COL13A1: variants seen among roughly 807,000 people sequenced by gnomAD.
The protein encoded by COL13A1 is collagen alpha-1(XIII) chain.
In COL13A1, 89 loss-of-function variants were observed where a neutral mutation model predicts 130.9. The ratio of observed to expected loss-of-function variants is 0.68; its 90% CI spans 0.57 to 0.81. COL13A1 has a LOEUF of 0.81. Among genes scored for constraint, COL13A1 ranks in the 30% least tolerant of loss-of-function variants. The pLI is 0.00. For missense variants in COL13A1, 879 were observed against 934.6 expected, an observed-to-expected ratio of 0.94 and a Z score of 0.78; for synonymous variants, 402 against 341.6, an observed-to-expected ratio of 1.18 and a Z score of -1.95.
At chr10:69,806,930 C>T (rs1490813533) in intron 1 of COL13A1, among the ~76,000 whole-genome samples, 1 of 152,136 alleles carries the variant, frequency 6.6e-6, no homozygotes, top group Non-Finnish European at 1.5e-5. Flanking sequence ...ATTGCTTGAA[C>T]TGGGAGGCGA....
chr10:69,930,869 T>C (rs146303139), intron 30 of COL13A1, among the ~76,000 whole-genome samples: 2 of 152,308 alleles, frequency 1.3e-5, no homozygotes, highest in East Asian at 3.9e-4. Context: ...CACTGGATTG[T>C]TGGGAAAGAG....
At chr10:69,837,589 C>T (rs1850443812) in intron 2 of COL13A1, among the ~76,000 whole-genome samples, 1 of 152,216 alleles carries the variant, frequency 6.6e-6, no homozygotes, top group South Asian at 2.1e-4. Context: ...GGGATGAAGT[C>T]AGATCCAGCC....
chr10:69,836,201 G>T (rs1285096776), intron 2 of COL13A1, among the ~76,000 whole-genome samples: 1 of 152,228 alleles, frequency 6.6e-6, no homozygotes, highest in Non-Finnish European at 1.5e-5. Context: ...CCAGGAAGGG[G>T]AAACACACGG....
chr10:69,838,728 T>C (rs769956635), intron 2 of COL13A1, among the ~76,000 whole-genome samples: 2 of 152,250 alleles, frequency 1.3e-5, no homozygotes, highest in Non-Finnish European at 2.9e-5. Flanking sequence ...GCCCCTGCTG[T>C]ATACAGAGCG....
chr10:69,920,839 C>A (rs370111326), intron 21 of COL13A1, among the ~76,000 whole-genome samples: 35 of 152,208 alleles, frequency 2.3e-4, no homozygotes, highest in African/African-American at 8.0e-4. Flanking sequence ...ACGGGCTCGA[C>A]CTGCCTCTGC....
intron 28 of COL13A1, 91 bp downstream of exon 28, chr10:69,929,090 G>C: frequency 1.0e-6 from 1 of 1,001,112 alleles, no homozygotes; most frequent in Non-Finnish European, 1.5e-6. Context: ...CATCTTCCCA[G>C]CACTACCACC....
At chr10:69,957,534 CAT>C (rs2071001070) in intron 40 of COL13A1, among the ~76,000 whole-genome samples, 5 of 152,252 alleles carry the variant, frequency 3.3e-5, no homozygotes, top group Admixed American at 1.3e-4. Context: ...TGCCACCACA[CAT>C]GTGACCTGCA....
intron 2 of COL13A1, among the ~76,000 whole-genome samples, chr10:69,839,989 GGA>G (rs1851163745): frequency 2.0e-5 from 3 of 152,372 alleles, no homozygotes; most frequent in African/African-American, 7.2e-5. Context: ...AAGGCAGAGT[GGA>G]GAGGAGCCAA....
intron 13 of COL13A1, chr10:69,897,430 T>A: frequency 6.2e-7 from 1 of 1,605,734 alleles, no homozygotes; most frequent in East Asian, 2.2e-5. Context: ...CCCCTCACGG[T>A]CCCTGTCGCC....
intron 10 of COL13A1, among the ~76,000 whole-genome samples, chr10:69,891,346 G>T (rs573409037): frequency 2.0e-4 from 30 of 152,346 alleles, no homozygotes; most frequent in African/African-American, 7.2e-4. Flanking sequence ...TCAACCGAGA[G>T]AAAATAGAAA....
intron 4 of COL13A1, among the ~76,000 whole-genome samples, chr10:69,873,553 A>C (rs1390854234): frequency 6.6e-6 from 1 of 152,186 alleles, no homozygotes; most frequent in African/African-American, 2.4e-5. Flanking sequence ...GCCATTCCAC[A>C]CCCATCCCTA....
rs370911469 is a variant in COL13A1 at position 69,880,484 on chromosome 10, C to G, written c.463-19C>G. 42 of 1,507,716 alleles carry G rather than the reference C, an allele frequency of 2.8e-5. No homozygotes were observed. In the African/African-American group the frequency reaches 4.4e-4, roughly 16 times the overall value. The allele number at this position is 1,507,716 out of a possible 1,614,324, so 93.4% of individuals were successfully genotyped here. A position where few individuals can be genotyped will look rare whatever the true frequency, so the allele number is the denominator to read the frequency against. On this transcript the variant is annotated intron_variant, in intron 6 of 40. Coordinates refer to ENST00000645393, the MANE Select transcript of COL13A1 (RefSeq NM_001368882.1). ...CTCCCTGCCCCTCGCTCCCTCTCCC[C>G]CTTCCTCTCTCCCCGCAGGGGTCCC...
intron 6 of COL13A1, among the ~76,000 whole-genome samples, chr10:69,878,496 T>C (rs1297399050): frequency 6.6e-6 from 1 of 152,002 alleles, no homozygotes; most frequent in Non-Finnish European, 1.5e-5. Context: ...TCTTTTTTTT[T>C]TTTGAGATTG....
At chr10:69,948,282 A>G (rs1003618288) in intron 38 of COL13A1, among the ~76,000 whole-genome samples, 1 of 152,184 alleles carries the variant, frequency 6.6e-6, no homozygotes, top group Non-Finnish European at 1.5e-5. Flanking sequence ...CACTGATACC[A>G]TGTTCATGCA....
At chr10:69,837,087 G>T (rs1214639489) in intron 2 of COL13A1, among the ~76,000 whole-genome samples, 1 of 152,154 alleles carries the variant, frequency 6.6e-6, no homozygotes, top group South Asian at 2.1e-4. Context: ...CGGCTCCAGG[G>T]TGCCCAGGGC....
intron 7 of COL13A1, among the ~76,000 whole-genome samples, chr10:69,885,693 C>T (rs1359900690): frequency 1.3e-5 from 2 of 152,188 alleles, no homozygotes; most frequent in Non-Finnish European, 2.9e-5. Context: ...CTCCTCCTGA[C>T]CTTTTCTTCA....
intron 2 of COL13A1, among the ~76,000 whole-genome samples, chr10:69,851,183 A>G (rs1348837917): frequency 6.6e-6 from 1 of 152,226 alleles, no homozygotes; most frequent in Non-Finnish European, 1.5e-5. Flanking sequence ...TAGATTCGAG[A>G]AAACAGGGTG....
chr10:69,832,367 C>A (rs1849029458), intron 2 of COL13A1, among the ~76,000 whole-genome samples: 1 of 152,220 alleles, frequency 6.6e-6, no homozygotes, highest in Admixed American at 6.5e-5. Context: ...CTCTCCAGCA[C>A]AGCAAAAGCC....
intron 31 of COL13A1, among the ~76,000 whole-genome samples, chr10:69,933,135 CAAAAAAAAAAAAAAAAA>C (rs34323794): frequency 2.5e-4 from 11 of 44,400 alleles, no homozygotes; most frequent in Admixed American, 8.6e-4. Flanking sequence ...GACTCTGCCT[CAAAAAAAAAAAAAAAAA>C]AAAAAAAAAA....
Sources: allele counts gnomAD v4.1 joint callset (sites outside exome capture counted in the v4.1 genomes callset), GRCh38; gene constraint gnomAD v4.1.1; transcripts MANE v1.5; gene names NCBI Gene and HGNC (gene_info 2026-07-23, HGNC 2026-07-21).